TRIP11: variants seen among roughly 807,000 people sequenced by gnomAD.
The protein encoded by TRIP11 is thyroid hormone receptor interactor 11.
A neutral mutation model predicts 223.1 loss-of-function variants in TRIP11; 148 were observed. The observed-to-expected ratio is 0.66, with a 90% CI of 0.58 to 0.76. TRIP11 has a LOEUF of 0.76. TRIP11 is among the 30% of genes least tolerant of loss of function. TRIP11 has a pLI of 0.00. For missense variants in TRIP11, 2,043 were observed against 2,222.0 expected, an observed-to-expected ratio of 0.92 and a Z score of 1.62; for synonymous variants, 762 against 772.6, an observed-to-expected ratio of 0.99 and a Z score of 0.23.
At chr14:92,039,481 G>A in intron 1 of TRIP11, 66 bp downstream of exon 1, 1 of 1,577,158 alleles carries the variant, frequency 6.3e-7, no homozygotes, top group Non-Finnish European at 8.7e-7. Flanking sequence ...ACTGATGGAA[G>A]TAGGGACCAA....
At chr14:91,992,981 T>C (rs1022153540) in intron 15 of TRIP11, among the ~76,000 whole-genome samples, 3 of 148,644 alleles carry the variant, frequency 2.0e-5, no homozygotes, top group Admixed American at 6.7e-5. Flanking sequence ...TGTTTTGGTG[T>C]CCTATCTCTT....
In TRIP11 at chr14:92,040,018, C is replaced by CGCCGGCCGCCATGA. The variant is rs1199680784; in HGVS notation, c.-347_-334dup. On this transcript the variant is annotated 5_prime_UTR_variant, in exon 1 of 21. The change creates a new upstream start codon in the 5' untranslated region. Coordinates refer to ENST00000267622, the MANE Select transcript of TRIP11 (RefSeq NM_004239.4). ...CCGTGGGTTACTCCTGCCAACTCGA[C>CGCCGGCCGCCATGA]GCCGGCCGCCATGACACTCGCTCGG... 7.1e-6 allele frequency: 3 copies of CGCCGGCCGCCATGA among 424,996 alleles called. No individual in the cohort carries two copies. The highest frequency in any genetic ancestry group is 1.3e-5 in the Non-Finnish European group (3 of 227,708). The allele number at this position is 424,996 out of a possible 1,614,324, so 26.3% of individuals were successfully genotyped here.
At chr14:91,974,584 C>T in intron 19 of TRIP11, 43 bp downstream of exon 19, 1 of 1,409,874 alleles carries the variant, frequency 7.1e-7, no homozygotes, top group Non-Finnish European at 1.0e-6. Context: ...AATATACAGT[C>T]ATTTTACTAT....
intron 4 of TRIP11, among the ~76,000 whole-genome samples, chr14:92,020,125 G>A (rs113157454): frequency 0.043 from 6,495 of 151,934 alleles, 456 homozygotes; most frequent in African/African-American, 0.14. Context: ...GGTGGCGGGC[G>A]CCTGTAATCC....
chr14:91,983,682 T>C (rs929102852), intron 16 of TRIP11, among the ~76,000 whole-genome samples: 5 of 152,232 alleles, frequency 3.3e-5, no homozygotes, highest in African/African-American at 9.6e-5. Context: ...TTATGGCAAC[T>C]CAGAAAACTG....
At chr14:92,007,500 T>A (rs1335945716) in intron 10 of TRIP11, 140 bp downstream of exon 10, 1 of 878,454 alleles carries the variant, frequency 1.1e-6, no homozygotes, top group African/African-American at 1.7e-5. Flanking sequence ...ACAAGGCCAA[T>A]GATATTTACT....
chr14:91,985,875 T>C (rs759295114), intron 16 of TRIP11, among the ~76,000 whole-genome samples: 23 of 152,192 alleles, frequency 1.5e-4, no homozygotes, highest in Non-Finnish European at 2.8e-4. Context: ...CAAAGTTTTG[T>C]TTACATTATC....
At chr14:91,998,411 C>T (rs369023488) in intron 13 of TRIP11, among the ~76,000 whole-genome samples, 1 of 152,008 alleles carries the variant, frequency 6.6e-6, no homozygotes, top group Admixed American at 6.6e-5. Flanking sequence ...TAAATGACTG[C>T]GTTAATCATG....
At chr14:92,013,904 T>C (rs1732895240) in intron 7 of TRIP11, among the ~76,000 whole-genome samples, 1 of 152,156 alleles carries the variant, frequency 6.6e-6, no homozygotes, top group African/African-American at 2.4e-5. Flanking sequence ...TGCTTGGATA[T>C]AGGAGATCGT....
Position 92,005,619 on chromosome 14 carries a change from T to G in TRIP11, c.2357A>C (p.Asp786Ala), listed in dbSNP as rs201394520. ...AELKKNIEQMDTDHKETKDVL... is the reference protein window; with the variant it reads ...AELKKNIEQMATDHKETKDVL... ...GTCCTTAGTTTCTTTATGGTCAGTA[T>G]CCATTTGTTCAATATTCTTTTTGAG... is the stretch of plus-strand genomic sequence containing the variant. Residue 786 changes from aspartate to alanine, a missense_variant, in exon 11 of 21, where the codon GAT (aspartate) becomes GCT (alanine). By Grantham distance (126) the Asp-to-Ala change is moderately radical (BLOSUM62 -2). Coordinates refer to ENST00000267622, the MANE Select transcript of TRIP11 (RefSeq NM_004239.4). 9.1e-5 allele frequency: 147 copies of G among 1,613,906 alleles called. No homozygotes were observed. Among genetic ancestry groups the G allele is most frequent in the Admixed American group, 1.7e-5 (1 of 60,012 alleles).
intron 2 of TRIP11, among the ~76,000 whole-genome samples, chr14:92,026,060 TA>T (rs1211558612): frequency 2.0e-5 from 3 of 152,212 alleles, no homozygotes; most frequent in Non-Finnish European, 4.4e-5. Context: ...ACATGTCTAG[TA>T]AATAAATGGA....
rs879139277 is a variant in TRIP11, at chr14:92,003,411, G to A, written c.4557+8C>T. The A allele has an allele frequency of 1.2e-6, 2 of 1,612,316 alleles. 1 individual carries two copies. The highest frequency in any genetic ancestry group is 3.3e-4 in the Middle Eastern group (2 of 6,062). Reference sequence around the variant, plus strand: ...ACTTCCTTCTACAATACTCCATCCAGAACACACCTGTTCTTTCTCTTTCAA... The same window carrying A: ...ACTTCCTTCTACAATACTCCATCCAAAACACACCTGTTCTTTCTCTTTCAA... On this transcript the variant is annotated splice_region_variant and intron_variant, in intron 11 of 20. Coordinates refer to ENST00000267622, the MANE Select transcript of TRIP11 (RefSeq NM_004239.4).
chr14:92,005,804 T>C lies in TRIP11; in HGVS notation c.2172A>G (p.Glu724=). The change falls in exon 11 of 21, where the codon GAA becomes GAG. Residue 724 remains glutamate (E), a synonymous_variant. Coordinates refer to ENST00000267622, the MANE Select transcript of TRIP11 (RefSeq NM_004239.4). ...ACAGCCTCTTTTTAGCCCAACACAA[T>C]TCTGCCTCTATCTCTCCTTTTTCCA... ...LKMEKGEIEA[E]LCWAKKRLLE... 2 of 1,614,112 alleles carry C rather than the reference T, an allele frequency of 1.2e-6. No individual in the cohort carries two copies. Among genetic ancestry groups the C allele is most frequent in the Non-Finnish European group, 1.7e-6 (2 of 1,180,026 alleles).
chr14:92,014,168 C>G, intron 7 of TRIP11, 47 bp downstream of exon 7: 1 of 1,612,096 alleles, frequency 6.2e-7, no homozygotes, highest in Non-Finnish European at 8.5e-7. Context: ...AAAACAACTA[C>G]TATGCAATGA....
intron 2 of TRIP11, among the ~76,000 whole-genome samples, chr14:92,028,323 G>A (rs60094386): frequency 0.016 from 2,485 of 152,260 alleles, 71 homozygotes; most frequent in African/African-American, 0.049. Flanking sequence ...ACTTTGGGAG[G>A]CTGAGGCAGG....
chr14:92,039,710 G>T lies in TRIP11; in HGVS notation c.-25C>A, dbSNP rs1418650681. 1 of 1,605,380 alleles carries T rather than the reference G, an allele frequency of 6.2e-7. No homozygotes were observed. Among genetic ancestry groups the T allele is most frequent in the East Asian group, 2.2e-5 (1 of 44,682 alleles). ...TCGCGGCGAGTTTAGAGAACGACCCGGTCCGCTCGGAAAAAAGAAAACGTT... is the reference window on the plus strand; with the variant it reads ...TCGCGGCGAGTTTAGAGAACGACCCTGTCCGCTCGGAAAAAAGAAAACGTT... On this transcript the variant is annotated 5_prime_UTR_variant, in exon 1 of 21. Coordinates refer to ENST00000267622, the MANE Select transcript of TRIP11 (RefSeq NM_004239.4).
Position 92,004,376 on chromosome 14 carries a change from A to G in TRIP11, c.3600T>C (p.Asn1200=), listed in dbSNP as rs2056869740. 6.2e-7 allele frequency: 1 copy of G among 1,614,070 alleles called. No homozygotes were observed. The highest frequency in any genetic ancestry group is 8.5e-7 in the Non-Finnish European group (1 of 1,180,028). ...SSTGNEAGGV[N]SNQFEELLQE... ...GTAGAAGCTCCTCAAATTGATTACT[A>G]TTAACACCTCCAGCCTCATTACCAG... The change falls in exon 11 of 21, where the codon AAT becomes AAC. Residue 1200 remains asparagine, a synonymous_variant. Transcript: ENST00000267622.
chr14:92,039,050 ATAAT>A (rs1328781173), intron 1 of TRIP11, among the ~76,000 whole-genome samples: 4 of 152,244 alleles, frequency 2.6e-5, no homozygotes, highest in Non-Finnish European at 4.4e-5. Flanking sequence ...AAAGTAAAAA[ATAAT>A]TAAATAGAAA....
In TRIP11 at chr14:92,003,498, A is replaced by G. The variant is rs1054340002; in HGVS notation, c.4478T>C (p.Leu1493Pro). 6.2e-6 allele frequency: 10 copies of G among 1,614,158 alleles called. No homozygotes were observed. Among genetic ancestry groups the G allele is most frequent in the Non-Finnish European group, 8.5e-6 (10 of 1,180,018 alleles). ...GTGGCACTCAAACTCTTTTTCTCGC[A>G]GCATCATAGAAAACTTCATGTTAGT... ...QETNMKFSMM[L>P]REKEFECHSM... The change falls in exon 11 of 21, where the codon CTG becomes CCG. Residue 1493 changes from leucine (L) to proline (P), a missense_variant. Physicochemically the swap from Leu to Pro is moderately conservative, Grantham distance 98 (BLOSUM62 -3). Coordinates refer to ENST00000267622, the MANE Select transcript of TRIP11 (RefSeq NM_004239.4).
Sources: gnomAD v4.1 joint callset for allele counts (sites outside exome capture counted in the v4.1 genomes callset) on GRCh38, gnomAD v4.1.1 for gene constraint, MANE v1.5 for transcripts, NCBI Gene and HGNC (gene_info 2026-07-23, HGNC 2026-07-21) for gene names.